MGAT5: variants seen among roughly 807,000 people sequenced by gnomAD.
MGAT5 encodes the protein alpha-1,6-mannosylglycoprotein 6-beta-N-acetylglucosaminyltransferase A.
MGAT5 carries 30 observed loss-of-function variants against 94.3 expected under a neutral mutation model. The observed-to-expected ratio is 0.32, with a 90% CI of 0.24 to 0.43. The LOEUF (loss-of-function observed/expected upper bound fraction) is 0.43. MGAT5 is among the 20% of genes least tolerant of loss of function. The probability of loss-of-function intolerance (pLI) is 1.00; values close to 1 mark genes in which losing one functional copy is unlikely to be tolerated. For synonymous variants in MGAT5, 310 were observed against 322.9 expected, an observed-to-expected ratio of 0.96 and a Z score of 0.43; for missense variants, 691 against 905.5, an observed-to-expected ratio of 0.76 and a Z score of 3.04.
intron 1 of MGAT5, among the ~76,000 whole-genome samples, chr2:134,184,925 G>A (rs1378327952): frequency 1.3e-5 from 2 of 152,116 alleles, no homozygotes; most frequent in East Asian, 3.9e-4. Flanking sequence ...TATTTCAATA[G>A]TTTGGGGGAA....
At chr2:134,167,048 C>T (rs368408633) in intron 1 of MGAT5, among the ~76,000 whole-genome samples, 1 of 152,146 alleles carries the variant, frequency 6.6e-6, no homozygotes, top group Admixed American at 6.5e-5. Context: ...GGATACATTA[C>T]GAGGAACACA....
chr2:134,265,202 A>G (rs776105907), intron 1 of MGAT5, among the ~76,000 whole-genome samples: 3 of 152,166 alleles, frequency 2.0e-5, no homozygotes, highest in Non-Finnish European at 4.4e-5. Context: ...TTCCTCAAAT[A>G]CGGATTGATT....
chr2:134,220,641 T>C (rs1680714458), intron 1 of MGAT5, among the ~76,000 whole-genome samples: 1 of 152,250 alleles, frequency 6.6e-6, no homozygotes, highest in South Asian at 2.1e-4. Flanking sequence ...CTGTCCTTAG[T>C]GCGTATGTGT....
chr2:134,286,473 C>G (rs1433813706), intron 2 of MGAT5, among the ~76,000 whole-genome samples: 1 of 151,942 alleles, frequency 6.6e-6, no homozygotes, highest in African/African-American at 2.4e-5. Flanking sequence ...GCTCTATTGC[C>G]TAGGCTGGAG....
In MGAT5 at chr2:134,349,733, G is replaced by T. The variant is rs114191452; in HGVS notation, c.1113-72G>T. 1.1e-3 allele frequency: 1,699 copies of T among 1,540,490 alleles called. 13 individuals carry two copies. The African/African-American group carries it at 0.021, about 19-fold the overall frequency. ...CCTATTTTTAGTAGTCTTGAAGGAAGGGTTAGAGCTTTTACCTTTTCAACT... is the reference window on the plus strand; with the variant it reads ...CCTATTTTTAGTAGTCTTGAAGGAATGGTTAGAGCTTTTACCTTTTCAACT... On this transcript the variant is annotated intron_variant, in intron 8 of 15. Transcript: ENST00000281923.
intron 2 of MGAT5, among the ~76,000 whole-genome samples, chr2:134,283,645 C>CTAT (rs1684833267): frequency 1.4e-5 from 1 of 69,088 alleles, no homozygotes. Flanking sequence ...AATGTAGTAT[C>CTAT]TTTTTTTTTT....
intron 10 of MGAT5, among the ~76,000 whole-genome samples, chr2:134,385,606 A>G (rs2106223210): frequency 6.6e-6 from 1 of 152,346 alleles, no homozygotes; most frequent in African/African-American, 2.4e-5. Flanking sequence ...AGTGGAGGGC[A>G]GAGGACAACA....
intron 1 of MGAT5, among the ~76,000 whole-genome samples, chr2:134,202,109 T>C (rs1203387164): frequency 6.6e-6 from 1 of 152,196 alleles, no homozygotes; most frequent in African/African-American, 2.4e-5. Flanking sequence ...TCCTCTCTTC[T>C]TCCATCCTCT....
At chr2:134,375,790 G>A (rs1465373192) in intron 10 of MGAT5, among the ~76,000 whole-genome samples, 3 of 152,192 alleles carry the variant, frequency 2.0e-5, no homozygotes, top group Non-Finnish European at 4.4e-5. Context: ...GGGTTGGGGG[G>A]ATTTCATCTC....
intron 10 of MGAT5, among the ~76,000 whole-genome samples, chr2:134,371,415 T>C (rs1486361058): frequency 2.0e-5 from 3 of 152,226 alleles, no homozygotes; most frequent in African/African-American, 7.2e-5. Context: ...CAAGGCCCCT[T>C]TGTCAGCATA....
rs768493417 is a variant in MGAT5 at position 134,336,416 on chromosome 2, C to G, written c.645+128C>G. On this transcript the variant is annotated intron_variant, in intron 5 of 15. Coordinates refer to ENST00000281923, the MANE Select transcript of MGAT5 (RefSeq NM_002410.5). ...TGTTACACTGAAAAACTTCTGTATT[C>G]GTCTCTGTGGAAGTCTAAGTGACTA... is the stretch of plus-strand genomic sequence containing the variant. 6.8e-6 allele frequency: 5 copies of G among 731,950 alleles called. No homozygotes were observed. In the South Asian group the frequency reaches 9.0e-5, roughly 13 times the overall value. 45.3% of individuals were successfully genotyped at this position (731,950 alleles called of 1,614,324 possible). A position where few individuals can be genotyped will look rare whatever the true frequency, so the allele number is the denominator to read the frequency against.
At chr2:134,260,702 C>CTTTTCTTTTTTTTTTTTT (rs746984897) in intron 1 of MGAT5, among the ~76,000 whole-genome samples, 1 of 127,070 alleles carries the variant, frequency 7.9e-6, no homozygotes, top group African/African-American at 2.9e-5. Context: ...TTTTCTTTTT[C>CTTTTCTTTTTTTTTTTTT]TTTTTTTTTT....
At chr2:134,284,537 A>G (rs754458329) in intron 2 of MGAT5, among the ~76,000 whole-genome samples, 1 of 151,894 alleles carries the variant, frequency 6.6e-6, no homozygotes, top group South Asian at 2.1e-4. Context: ...TCTGCATGCA[A>G]CCCTGTGTGC....
chr2:134,227,571 A>G (rs1681127454), intron 1 of MGAT5, among the ~76,000 whole-genome samples: 1 of 152,234 alleles, frequency 6.6e-6, no homozygotes, highest in Non-Finnish European at 1.5e-5. Flanking sequence ...CTTTGTTAGT[A>G]TGGGTATAGG....
chr2:134,403,236 T>G, intron 11 of MGAT5, 99 bp downstream of exon 11: 1 of 1,303,596 alleles, frequency 7.7e-7, no homozygotes, highest in African/African-American at 1.5e-5. Flanking sequence ...TGCAATAAAC[T>G]CTTGTGGCTA....
chr2:134,184,768 TGAGCAGA>T (rs1416128460), intron 1 of MGAT5, among the ~76,000 whole-genome samples: 1 of 152,060 alleles, frequency 6.6e-6, no homozygotes, highest in Non-Finnish European at 1.5e-5. Flanking sequence ...AGAACATGAC[TGAGCAGA>T]GAGCAGAGAG....
chr2:134,209,152 A>ATTTTTTTTTTTTTTTTT (rs869116395), intron 1 of MGAT5, among the ~76,000 whole-genome samples: 2 of 20,774 alleles, frequency 9.6e-5, no homozygotes, highest in Non-Finnish European at 1.3e-4. Context: ...TTTTTTTTTT[A>ATTTTTTTTTTTTTTTTT]TTTTTTTTTT....
In MGAT5 at chr2:134,441,855, G is replaced by C; in HGVS notation, c.1967G>C (p.Ser656Thr). The change falls in exon 15 of 16, where the codon AGC becomes ACC. Residue 656 changes from serine to threonine, a missense_variant. Coordinates refer to ENST00000281923, the MANE Select transcript of MGAT5 (RefSeq NM_002410.5). ...TCCTGCAAGCAGGTGTGCCAGGAGA[G>C]CCAGCTCATCTGCGAGCCTTCTTTC... ...GQSCKQVCQESQLICEPSFFQ... is the reference protein window; with the variant it reads ...GQSCKQVCQETQLICEPSFFQ... 1.2e-6 allele frequency: 2 copies of C among 1,614,072 alleles called. No individual in the cohort carries two copies. The highest frequency in any genetic ancestry group is 1.7e-6 in the Non-Finnish European group (2 of 1,180,008).
chr2:134,234,206 T>C (rs1423528441), intron 1 of MGAT5, among the ~76,000 whole-genome samples: 4 of 152,124 alleles, frequency 2.6e-5, no homozygotes, highest in African/African-American at 9.7e-5. Context: ...AAGCCGGGGA[T>C]TGGGGGCAGG....
Sources: allele counts gnomAD v4.1 joint callset (sites outside exome capture counted in the v4.1 genomes callset), GRCh38; gene constraint gnomAD v4.1.1; transcripts MANE v1.5; gene names NCBI Gene and HGNC (gene_info 2026-07-23, HGNC 2026-07-21).